Variants in SMARCD1 observed in about 807,000 individuals in gnomAD.
SMARCD1 encodes SWI/SNF-related matrix-associated actin-dependent regulator of chromatin subfamily D member 1.
SMARCD1 carries 16 observed loss-of-function variants against 70.8 expected under a neutral mutation model. The ratio of observed to expected loss-of-function variants is 0.23; its 90% CI spans 0.15 to 0.34. SMARCD1 has a LOEUF of 0.34. SMARCD1 is among the 10% of genes least tolerant of loss of function. SMARCD1 has a pLI of 1.00. For missense variants in SMARCD1, 409 were observed against 655.5 expected (o/e 0.62, Z 4.11); for synonymous variants, 249 against 246.0 (o/e 1.01, Z -0.11).
In SMARCD1 at chr12:50,085,349, T is replaced by A; in HGVS notation, c.-21T>A. 1.6e-6 allele frequency: 2 copies of A among 1,262,854 alleles called. No homozygotes were observed. The highest frequency in any genetic ancestry group is 2.0e-6 in the Non-Finnish European group (2 of 1,005,998). 78.2% of individuals were successfully genotyped at this position (1,262,854 alleles called of 1,614,324 possible). On this transcript the variant is annotated 5_prime_UTR_variant, in exon 1 of 13. Transcript: ENST00000394963. Reference sequence around the variant, plus strand: ...TTCCGGTTCCGGTTCTTTGTGCGGCTGCATCGGCGGCTCCGGGAAGATGGC... The same window carrying A: ...TTCCGGTTCCGGTTCTTTGTGCGGCAGCATCGGCGGCTCCGGGAAGATGGC...
At position 50,089,934 on chromosome 12, in the gene SMARCD1, G is replaced by A; in HGVS notation, c.822G>A (p.Arg274=). The A allele has an allele frequency of 6.2e-7, 1 of 1,614,218 alleles. No individual in the cohort carries two copies. The highest frequency in any genetic ancestry group is 1.7e-4 in the Middle Eastern group (1 of 6,060). ...AGACCGATGGCTTTCAGGTGAAGCG[G>A]CCGGGAGACGTGAATGTACGGTGTA... is the stretch of plus-strand genomic sequence containing the variant. The part of the protein sequence containing the change: ...TQETDGFQVK[R]PGDVNVRCTV... Residue 274 remains arginine (R), a synonymous_variant, in exon 7 of 13, where the codon CGG becomes CGA. Coordinates refer to ENST00000394963, the MANE Select transcript of SMARCD1 (RefSeq NM_003076.5).
chr12:50,086,570 A>G (rs760742383), intron 2 of SMARCD1, 51 bp from the exon 3 acceptor site: 14 of 1,575,258 alleles, frequency 8.9e-6, no homozygotes, highest in African/African-American at 1.4e-5. Context: ...GCTTATTTTC[A>G]CGTTCTGACT....
At chr12:50,092,311 C>T (rs1461184937) in intron 9 of SMARCD1, among the ~76,000 whole-genome samples, 3 of 135,348 alleles carry the variant, frequency 2.2e-5, no homozygotes, top group African/African-American at 8.3e-5. Flanking sequence ...GCAACCTCTG[C>T]CTCCTGGGTT....
intron 10 of SMARCD1, among the ~76,000 whole-genome samples, chr12:50,096,114 C>T (rs568859281): frequency 2.0e-5 from 3 of 152,152 alleles, no homozygotes; most frequent in South Asian, 2.1e-4. Context: ...TTTACAGTCC[C>T]GACAGTGAGG....
At chr12:50,086,596 T>C in intron 2 of SMARCD1, 25 bp from the exon 3 acceptor site, 1 of 1,611,804 alleles carries the variant, frequency 6.2e-7, no homozygotes. Context: ...TGTCCCAACC[T>C]GATAATAGTA....
intron 5 of SMARCD1, chr12:50,088,291 G>A (rs1174832564): frequency 1.4e-6 from 1 of 702,966 alleles, no homozygotes; most frequent in Admixed American, 2.0e-5. Flanking sequence ...AATGAGATGG[G>A]TAAAACAGTG....
chr12:50,096,399 A>G (rs544646393), intron 10 of SMARCD1, among the ~76,000 whole-genome samples: 1 of 152,306 alleles, frequency 6.6e-6, no homozygotes, highest in African/African-American at 2.4e-5. Flanking sequence ...CTGGGGACTC[A>G]TTACCCTGTC....
intron 9 of SMARCD1, among the ~76,000 whole-genome samples, chr12:50,092,465 A>G (rs952271708): frequency 7.0e-6 from 1 of 142,656 alleles, no homozygotes; most frequent in African/African-American, 2.6e-5. Flanking sequence ...CACGTGATCC[A>G]CCCGCCTCGG....
rs1473467606 is a variant in SMARCD1 at position 50,099,933 on chromosome 12, TC to T, written c.*936del. On this transcript the variant is annotated 3_prime_UTR_variant, in exon 13 of 13. Coordinates refer to ENST00000394963, the MANE Select transcript of SMARCD1 (RefSeq NM_003076.5). ...GCCCTGGGCCATCCCTGTCTTCCTGTCCCTTGTCTGCCCAGTTGACACCTAC... is the reference window on the plus strand; with the variant it reads ...GCCCTGGGCCATCCCTGTCTTCCTGTCCTTGTCTGCCCAGTTGACACCTAC... 6.5e-6 allele frequency: 1 copy of T among 152,742 alleles called. No individual in the cohort carries two copies. The highest frequency in any genetic ancestry group is 1.5e-5 in the Non-Finnish European group (1 of 68,144). 9.5% of individuals were successfully genotyped at this position (152,742 alleles called of 1,614,324 possible).
At chr12:50,097,280 G>GTCCA (rs1335282776) in intron 11 of SMARCD1, among the ~76,000 whole-genome samples, 2 of 152,242 alleles carry the variant, frequency 1.3e-5, no homozygotes, top group African/African-American at 4.8e-5. Flanking sequence ...GCCGGGCATG[G>GTCCA]TGGCTCACAC....
chr12:50,090,821 CTT>C lies in SMARCD1; in HGVS notation c.1133+250_1133+251del, dbSNP rs11443542. 2.0e-5 allele frequency among the ~76,000 whole-genome samples: 2 copies of C among 102,436 alleles called. 1 individual carries two copies. Among genetic ancestry groups the C allele is most frequent in the Admixed American group, 2.5e-4 (2 of 8,012 alleles). 67.2% of individuals were successfully genotyped at this position (102,436 alleles called of 152,430 possible). A position where few individuals can be genotyped will look rare whatever the true frequency, so the allele number is the denominator to read the frequency against. ...ATTATTACATTTTATTGTATTTGTG[CTT>C]TTTTTTTTTTTTTTTTTTGGAGACA... On this transcript the variant is annotated intron_variant, in intron 9 of 12. Transcript: ENST00000394963.
Position 50,089,976 on chromosome 12 carries a change from G to C in SMARCD1, c.864G>C (p.Leu288=), listed in dbSNP as rs772704746. ...VNVRCTVLLM[L]DYQPPQFKLD... ...TACGGTGTACTGTCCTACTGATGCT[G>C]GATTACCAGGTATTCTGTGGTGGTG... The change falls in exon 7 of 13, where the codon CTG becomes CTC. Residue 288 remains leucine, a synonymous_variant. Transcript: ENST00000394963. The C allele has an allele frequency of 1.1e-5, 18 of 1,613,196 alleles. No individual in the cohort carries two copies. Among genetic ancestry groups the C allele is most frequent in the Middle Eastern group, 3.3e-4 (2 of 6,084 alleles).
In SMARCD1 at chr12:50,096,928, G is replaced by C; in HGVS notation, c.1348G>C (p.Gly450Arg). ...GCTGAGCTTTGCCAGAGACCCTCAG[G>C]GTTTCATCAATGACTGGCTTCAGTC... ...FMLSFARDPQ[G>R]FINDWLQSQC... The change falls in exon 11 of 13, where the codon GGT becomes CGT. Residue 450 changes from glycine (G) to arginine (R), a missense_variant. Coordinates refer to ENST00000394963, the MANE Select transcript of SMARCD1 (RefSeq NM_003076.5). The C allele has an allele frequency of 6.2e-7, 1 of 1,614,078 alleles. No homozygotes were observed. Among genetic ancestry groups the C allele is most frequent in the African/African-American group, 1.3e-5 (1 of 75,046 alleles).
At chr12:50,089,777 A>G (rs975970551) in intron 6 of SMARCD1, 107 bp from the exon 7 acceptor site, 35 of 749,410 alleles carry the variant, frequency 4.7e-5, no homozygotes, top group Non-Finnish European at 7.0e-5. Context: ...ACTCTTCTCC[A>G]GTAGCCTCAG....
chr12:50,085,649 G>A, intron 1 of SMARCD1, 103 bp downstream of exon 1: 1 of 868,358 alleles, frequency 1.2e-6, no homozygotes, highest in Non-Finnish European at 1.5e-6. Context: ...TCCCTTGGGA[G>A]GGGTTCGGGC....
intron 9 of SMARCD1, among the ~76,000 whole-genome samples, chr12:50,092,343 C>T (rs1268238645): frequency 6.8e-6 from 1 of 148,072 alleles, no homozygotes; most frequent in Non-Finnish European, 1.5e-5. Flanking sequence ...CCTGCCTCAG[C>T]CTCCCAAGTA....
chr12:50,087,459 C>T lies in SMARCD1; in HGVS notation c.628C>T (p.Arg210Trp). 2 of 1,613,914 alleles carry T rather than the reference C, an allele frequency of 1.2e-6. No individual in the cohort carries two copies. The highest frequency in any genetic ancestry group is 1.7e-6 in the Non-Finnish European group (2 of 1,179,896). The change falls in exon 5 of 13, where the codon CGG (arginine) becomes TGG (tryptophan). Residue 210 changes from arginine (R) to tryptophan (W), a missense_variant. By Grantham distance (101) the Arg-to-Trp change is moderately radical. Coordinates refer to ENST00000394963, the MANE Select transcript of SMARCD1 (RefSeq NM_003076.5). ...AGGGACGGTGGCTTCCTGGGAGCTT[C>T]GGGTAGAAGGACGGCTCCTGGAGGA... ...GEGTVASWEL[R>W]VEGRLLEDSA...
Position 50,088,022 on chromosome 12 carries a change from G to T in SMARCD1, c.655-499G>T, listed in dbSNP as rs551853626. ...TTCTCTCATTCCCTTACATTCTCTG[G>T]CTCTTATTTTTAGCTGCTCGCAGGC... On this transcript the variant is annotated intron_variant, in intron 5 of 12. Transcript: ENST00000394963. 2.7e-4 allele frequency among the ~76,000 whole-genome samples: 41 copies of T among 152,168 alleles called. 1 individual carries two copies. The highest frequency in any genetic ancestry group is 2.4e-3 in the Admixed American group (36 of 15,284).
rs997767826 is a variant in SMARCD1, at chr12:50,092,243, T to TC, written c.1133+1653_1133+1654insC. On this transcript the variant is annotated intron_variant, in intron 9 of 12. Transcript: ENST00000394963. ...TTTTCTTTTCTTTCTTTCTTTTTTT[T>TC]TTTTTTTTTTTTTTGAGACAGACAG... is the stretch of plus-strand genomic sequence containing the variant. Among the ~76,000 whole-genome samples, 61 of 138,386 alleles carry TC rather than the reference T, an allele frequency of 4.4e-4. 1 individual carries two copies. Among genetic ancestry groups the TC allele is most frequent in the Non-Finnish European group, 7.7e-4 (49 of 63,498 alleles). 90.8% of individuals were successfully genotyped at this position (138,386 alleles called of 152,430 possible).
Sources: gnomAD v4.1 joint callset for allele counts (sites outside exome capture counted in the v4.1 genomes callset) on GRCh38, gnomAD v4.1.1 for gene constraint, MANE v1.5 for transcripts, NCBI Gene and HGNC (gene_info 2026-07-23, HGNC 2026-07-21) for gene names.